HECTD2: variants seen among roughly 807,000 people sequenced by gnomAD.
HECTD2 encodes probable E3 ubiquitin-protein ligase HECTD2.
Under a neutral mutation model 103.2 loss-of-function variants are expected in HECTD2, and 35 were observed. That is an observed-to-expected ratio of 0.34 (90% CI 0.26 to 0.45). The LOEUF is 0.45. Ranked by LOEUF, HECTD2 falls within the 20% of genes least tolerant of loss-of-function variation. The pLI is 1.00. For missense variants in HECTD2, 596 were observed against 937.4 expected (o/e 0.64, Z 4.76); for synonymous variants, 281 against 329.9 (o/e 0.85, Z 1.61).
chr10:91,462,830 A>G (rs1589511400), intron 5 of HECTD2: 1 of 889,280 alleles, frequency 1.1e-6, no homozygotes, highest in South Asian at 5.2e-5. Context: ...TGAAAAATTG[A>G]CATCTTTTCA....
At chr10:91,508,611 A>G (rs1484041499) in intron 20 of HECTD2, among the ~76,000 whole-genome samples, 1 of 149,446 alleles carries the variant, frequency 6.7e-6, no homozygotes, top group Non-Finnish European at 1.5e-5. Flanking sequence ...GATCATTAAA[A>G]AGTCAGGAAA....
At chr10:91,462,850 C>A in intron 5 of HECTD2, 2 of 723,524 alleles carry the variant, frequency 2.8e-6, no homozygotes, top group Non-Finnish European at 3.4e-6. Flanking sequence ...AATCCATAAG[C>A]ATACTGTATC....
chr10:91,416,242 A>C (rs1843121179), intron 1 of HECTD2, among the ~76,000 whole-genome samples: 1 of 152,206 alleles, frequency 6.6e-6, no homozygotes, highest in Non-Finnish European at 1.5e-5. Flanking sequence ...AAATGGCAAA[A>C]ATAATAATTG....
intron 1 of HECTD2, among the ~76,000 whole-genome samples, chr10:91,422,603 CTTTTT>C (rs1843401401): frequency 6.6e-6 from 1 of 152,104 alleles, no homozygotes; most frequent in South Asian, 2.1e-4. Flanking sequence ...GAATGATTTA[CTTTTT>C]CAAATATGTA....
intron 5 of HECTD2, among the ~76,000 whole-genome samples, chr10:91,476,440 C>G (rs990855238): frequency 6.6e-6 from 1 of 152,150 alleles, no homozygotes; most frequent in Non-Finnish European, 1.5e-5. Flanking sequence ...CGGACCCCCA[C>G]GAAGTTTCTC....
At chr10:91,438,186 A>G (rs1844218779) in intron 2 of HECTD2, among the ~76,000 whole-genome samples, 1 of 151,930 alleles carries the variant, frequency 6.6e-6, no homozygotes, top group African/African-American at 2.4e-5. Flanking sequence ...GCACCCATCA[A>G]CCCGTCATCT....
rs58691011 is a variant in HECTD2, at chr10:91,412,668, A to ATGTGTGTGTGTGTGTGTG, written c.138+2102_138+2119dup. ...AATTTATGACAGGATCTGTGGCAGA[A>ATGTGTGTGTGTGTGTGTG]TGTGTGTGTGTGTGTGTGTGTGTGT... On this transcript the variant is annotated intron_variant, in intron 1 of 20. Coordinates refer to ENST00000298068, the MANE Select transcript of HECTD2 (RefSeq NM_182765.6). Among the ~76,000 whole-genome samples, 523 of 147,248 alleles carry ATGTGTGTGTGTGTGTGTG rather than the reference A, an allele frequency of 3.6e-3. 4 individuals carry two copies. The highest frequency in any genetic ancestry group is 0.011 in the African/African-American group (454 of 39,670).
chr10:91,504,335 C>A (rs373173631), intron 20 of HECTD2, among the ~76,000 whole-genome samples: 1 of 149,534 alleles, frequency 6.7e-6, no homozygotes, highest in African/African-American at 2.5e-5. Flanking sequence ...CTCTGAGCTA[C>A]GGGAGGACAT....
At chr10:91,462,919 T>A (rs1310694494) in intron 5 of HECTD2, 1 of 209,998 alleles carries the variant, frequency 4.8e-6, no homozygotes, top group African/African-American at 2.4e-5. Context: ...GTTTTCTGGA[T>A]AGAGGTGTTA....
chr10:91,500,395 A>T, intron 18 of HECTD2, 107 bp from the exon 19 acceptor site: 23 of 387,026 alleles, frequency 5.9e-5, no homozygotes, highest in East Asian at 1.5e-4. Context: ...GGTTTGATTT[A>T]CTATGAGAAA....
chr10:91,484,960 A>T (rs1161555623), intron 9 of HECTD2, among the ~76,000 whole-genome samples: 1 of 152,022 alleles, frequency 6.6e-6, no homozygotes, highest in African/African-American at 2.4e-5. Context: ...CTTTAATACT[A>T]TTATAATCCT....
At chr10:91,495,627 A>G (rs1248634304) in intron 14 of HECTD2, among the ~76,000 whole-genome samples, 3 of 152,082 alleles carry the variant, frequency 2.0e-5, no homozygotes, top group African/African-American at 7.2e-5. Flanking sequence ...AAAATTTGTA[A>G]CATCTGTAGC....
chr10:91,482,536 C>G (rs940179370), intron 7 of HECTD2, among the ~76,000 whole-genome samples: 1 of 151,898 alleles, frequency 6.6e-6, no homozygotes, highest in African/African-American at 2.4e-5. Context: ...AAGGAACACC[C>G]AGGTTTTTTG....
intron 2 of HECTD2, among the ~76,000 whole-genome samples, chr10:91,429,147 TG>T (rs1163178352): frequency 6.6e-6 from 1 of 151,936 alleles, no homozygotes; most frequent in Non-Finnish European, 1.5e-5. Flanking sequence ...ATGTGGTTTT[TG>T]TCTTTGGTTC....
chr10:91,456,822 C>T (rs1420714226), intron 2 of HECTD2, among the ~76,000 whole-genome samples: 1 of 151,812 alleles, frequency 6.6e-6, no homozygotes, highest in Non-Finnish European at 1.5e-5. Flanking sequence ...AGAAAATCAA[C>T]CGAAAGCAAG....
At chr10:91,450,774 A>G (rs1293047019) in intron 2 of HECTD2, among the ~76,000 whole-genome samples, 3 of 152,310 alleles carry the variant, frequency 2.0e-5, no homozygotes, top group South Asian at 2.1e-4. Context: ...AAAAAGGCTC[A>G]TCATCACTGG....
intron 2 of HECTD2, among the ~76,000 whole-genome samples, chr10:91,459,099 G>T (rs988671807): frequency 2.0e-5 from 3 of 151,960 alleles, no homozygotes; most frequent in Admixed American, 1.3e-4. Context: ...AAGATATATG[G>T]ATGGAAAATA....
At chr10:91,415,235 TAAC>T (rs1253642393) in intron 1 of HECTD2, among the ~76,000 whole-genome samples, 1 of 150,148 alleles carries the variant, frequency 6.7e-6, no homozygotes, top group East Asian at 2.0e-4. Flanking sequence ...TGTGTGTACT[TAAC>T]AACAATATGC....
intron 20 of HECTD2, among the ~76,000 whole-genome samples, chr10:91,510,596 C>T (rs1429100817): frequency 2.6e-5 from 4 of 151,990 alleles, no homozygotes; most frequent in African/African-American, 7.3e-5. Context: ...GAAGAGAAAA[C>T]AAATGTTTTA....
Sources: gnomAD v4.1 joint callset for allele counts (sites outside exome capture counted in the v4.1 genomes callset) on GRCh38, gnomAD v4.1.1 for gene constraint, MANE v1.5 for transcripts, NCBI Gene and HGNC (gene_info 2026-07-23, HGNC 2026-07-21) for gene names.